DIAPH3: variants seen among roughly 807,000 people sequenced by gnomAD.
DIAPH3 encodes protein diaphanous homolog 3.
DIAPH3 carries 117 observed loss-of-function variants against 144.3 expected under a neutral mutation model. That is an observed-to-expected ratio of 0.81 (90% confidence interval 0.70 to 0.95). The LOEUF is 0.95. Among genes scored for constraint, DIAPH3 ranks in the 40% least tolerant of loss-of-function variants. The pLI is 0.00. For synonymous variants in DIAPH3, 519 were observed against 488.9 expected (o/e 1.06, Z -0.81); for missense variants, 1,421 against 1,412.7 (o/e 1.01, Z -0.09).
At chr13:59,749,927 C>T (rs2036914296) in intron 27 of DIAPH3, among the ~76,000 whole-genome samples, 2 of 152,184 alleles carry the variant, frequency 1.3e-5, no homozygotes, top group South Asian at 2.1e-4. Flanking sequence ...TAGCTATCTC[C>T]CTGGAAAGAG....
intron 22 of DIAPH3, among the ~76,000 whole-genome samples, chr13:59,852,932 A>G (rs1024519117): frequency 2.0e-5 from 3 of 152,176 alleles, no homozygotes; most frequent in African/African-American, 7.2e-5. Context: ...TAACACCCAC[A>G]CTATAAGAAA....
At chr13:59,790,325 A>T (rs1334030213) in intron 25 of DIAPH3, among the ~76,000 whole-genome samples, 1 of 152,178 alleles carries the variant, frequency 6.6e-6, no homozygotes, top group African/African-American at 2.4e-5. Context: ...TGTACCTTAA[A>T]CACAGAACCA....
chr13:59,802,680 T>TTTTTA, intron 25 of DIAPH3, among the ~76,000 whole-genome samples: 1 of 73,414 alleles, frequency 1.4e-5, no homozygotes, highest in Non-Finnish European at 2.9e-5. Context: ...TTTTTTTTTT[T>TTTTTA]TTTTTTTTTT....
intron 27 of DIAPH3, among the ~76,000 whole-genome samples, chr13:59,730,072 C>T (rs2035822661): frequency 6.6e-6 from 1 of 152,108 alleles, no homozygotes; most frequent in Admixed American, 6.6e-5. Flanking sequence ...TTGGTTTTAT[C>T]TGGTCAGCAT....
chr13:59,797,527 G>T (rs2039677238), intron 25 of DIAPH3, among the ~76,000 whole-genome samples: 1 of 152,140 alleles, frequency 6.6e-6, no homozygotes, highest in South Asian at 2.1e-4. Context: ...ATGTCTTTCA[G>T]AATGTTAGAT....
intron 1 of DIAPH3, among the ~76,000 whole-genome samples, chr13:60,144,534 A>G (rs1360945287): frequency 6.6e-6 from 1 of 152,204 alleles, no homozygotes; most frequent in South Asian, 2.1e-4. Flanking sequence ...CCCTAGCCGC[A>G]GCTAAACACA....
At chr13:59,746,367 C>T (rs1566253234) in intron 27 of DIAPH3, among the ~76,000 whole-genome samples, 1 of 151,378 alleles carries the variant, frequency 6.6e-6, no homozygotes, top group East Asian at 2.0e-4. Flanking sequence ...GAGATTACAG[C>T]TGTGCGCCAC....
intron 17 of DIAPH3, among the ~76,000 whole-genome samples, chr13:59,969,137 C>T (rs2050214466): frequency 6.6e-6 from 1 of 151,798 alleles, no homozygotes; most frequent in Non-Finnish European, 1.5e-5. Flanking sequence ...AGTAGCAGGC[C>T]CACGAAATTG....
intron 20 of DIAPH3, among the ~76,000 whole-genome samples, chr13:59,885,805 C>T (rs2045407660): frequency 6.6e-6 from 1 of 152,056 alleles, no homozygotes; most frequent in Non-Finnish European, 1.5e-5. Flanking sequence ...CGCCAAGGAT[C>T]GTGAGTAGAT....
chr13:59,734,808 A>G (rs1377427644), intron 27 of DIAPH3, among the ~76,000 whole-genome samples: 1 of 152,228 alleles, frequency 6.6e-6, no homozygotes, highest in African/African-American at 2.4e-5. Flanking sequence ...TTTAAAAAAT[A>G]TAACTATTAA....
chr13:59,734,964 T>C (rs566653791), intron 27 of DIAPH3, among the ~76,000 whole-genome samples: 8 of 152,276 alleles, frequency 5.3e-5, no homozygotes, highest in South Asian at 4.1e-4. Flanking sequence ...CACTAAAACT[T>C]TGAAAGAGAA....
intron 4 of DIAPH3, among the ~76,000 whole-genome samples, chr13:60,048,049 G>A (rs2056165718): frequency 6.6e-6 from 1 of 152,200 alleles, no homozygotes; most frequent in Non-Finnish European, 1.5e-5. Context: ...GACAATGCAG[G>A]GCCCATGGTG....
intron 4 of DIAPH3, among the ~76,000 whole-genome samples, chr13:60,065,595 A>G (rs2056931168): frequency 1.3e-5 from 2 of 152,202 alleles, no homozygotes; most frequent in African/African-American, 2.4e-5. Context: ...TAAGAGATAC[A>G]CTGCTGTTAC....
intron 5 of DIAPH3, among the ~76,000 whole-genome samples, chr13:60,030,398 G>T (rs1467173318): frequency 6.6e-6 from 1 of 152,032 alleles, no homozygotes; most frequent in African/African-American, 2.4e-5. Context: ...TTTAAGAAAA[G>T]AAATCCTTGC....
At chr13:59,834,834 CTATTT>C (rs975729159) in intron 23 of DIAPH3, among the ~76,000 whole-genome samples, 1 of 151,658 alleles carries the variant, frequency 6.6e-6, no homozygotes, top group African/African-American at 2.4e-5. Flanking sequence ...TTTGGGAAAT[CTATTT>C]TGTTTTCCTT....
rs554389748 is a variant in DIAPH3 at position 59,935,964 on chromosome 13, G to A, written c.2075-11094C>T. Among the ~76,000 whole-genome samples, 31 of 152,062 alleles carry A rather than the reference G, an allele frequency of 2.0e-4. 1 individual carries two copies. The highest frequency in any genetic ancestry group is 1.5e-3 in the South Asian group (7 of 4,826). On this transcript the variant is annotated intron_variant, in intron 17 of 27. Coordinates refer to ENST00000400324, the MANE Select transcript of DIAPH3 (RefSeq NM_001042517.2). ...CATAAAAAATGTAGCAGATAAATGC[G>A]TATTTCTCTTTCTGTGACATTCTGT...
chr13:60,073,130 A>T (rs756858409), intron 4 of DIAPH3, among the ~76,000 whole-genome samples: 3 of 152,076 alleles, frequency 2.0e-5, no homozygotes, highest in Non-Finnish European at 4.4e-5. Context: ...TAGACATGGC[A>T]AAACCCCATC....
At chr13:60,147,928 A>T (rs1189340681) in intron 1 of DIAPH3, among the ~76,000 whole-genome samples, 1 of 109,674 alleles carries the variant, frequency 9.1e-6, no homozygotes, top group Non-Finnish European at 1.9e-5. Context: ...AGAGCCAAGG[A>T]AATCAGTTAG....
At position 59,792,905 on chromosome 13, in the gene DIAPH3, C is replaced by T. The variant is rs186017500; in HGVS notation, c.3163+17883G>A. Among the ~76,000 whole-genome samples the T allele has an allele frequency of 2.2e-4, 34 of 152,298 alleles. 1 individual carries two copies. The highest frequency in any genetic ancestry group is 1.8e-3 in the Admixed American group (27 of 15,298). ...AAGAAACAATACCACAGGATCTGAA[C>T]TAGTACATATGTGCAACTGCTACCT... On this transcript the variant is annotated intron_variant, in intron 25 of 27. Transcript: ENST00000400324.
Sources: gnomAD v4.1 joint callset for allele counts (sites outside exome capture counted in the v4.1 genomes callset) on GRCh38, gnomAD v4.1.1 for gene constraint, MANE v1.5 for transcripts, NCBI Gene and HGNC (gene_info 2026-07-23, HGNC 2026-07-21) for gene names.